PCDH15: variants seen among roughly 807,000 people sequenced by gnomAD.
PCDH15 encodes the protein protocadherin related 15, also known as protocadherin-15.
PCDH15 carries 129 observed loss-of-function variants against 178.5 expected under a neutral mutation model. The ratio of observed to expected loss-of-function variants is 0.72; its 90% CI spans 0.63 to 0.84. PCDH15 has a LOEUF of 0.84. PCDH15 is among the 40% of genes least tolerant of loss of function. PCDH15 has a pLI of 0.00. For missense variants in PCDH15, 2,230 were observed against 2,099.9 expected (o/e 1.06, Z -1.21); for synonymous variants, 800 against 732.0 (o/e 1.09, Z -1.50).
At chr10:55,355,831 A>T (rs996442112) in intron 2 of PCDH15, among the ~76,000 whole-genome samples, 19 of 151,930 alleles carry the variant, frequency 1.3e-4, no homozygotes, top group Non-Finnish European at 2.1e-4. Flanking sequence ...TAACATCTAG[A>T]TGTGACATCC....
chr10:54,219,487 G>C (rs1033436960), intron 9 of PCDH15, among the ~76,000 whole-genome samples: 4 of 150,230 alleles, frequency 2.7e-5, no homozygotes, highest in African/African-American at 9.8e-5. Context: ...CAGCTACTCG[G>C]GAGGCTGAGG....
intron 7 of PCDH15, among the ~76,000 whole-genome samples, chr10:54,329,209 G>A (rs1210213094): frequency 1.3e-5 from 2 of 151,838 alleles, no homozygotes; most frequent in African/African-American, 4.8e-5. Context: ...TAAAAATGCA[G>A]ATATTCCACT....
intron 1 of PCDH15, among the ~76,000 whole-genome samples, chr10:54,775,895 C>G (rs558763239): frequency 6.6e-6 from 1 of 152,164 alleles, no homozygotes; most frequent in East Asian, 1.9e-4. Flanking sequence ...CAAACAACAA[C>G]AAACACATAA....
intron 2 of PCDH15, among the ~76,000 whole-genome samples, chr10:55,024,081 A>G (rs1177413718): frequency 3.6e-5 from 1 of 27,902 alleles, no homozygotes; most frequent in Non-Finnish European, 8.9e-5. Context: ...ACTCATATAT[A>G]TATATATATA....
At chr10:54,125,548 G>A (rs2041920515) in intron 15 of PCDH15, among the ~76,000 whole-genome samples, 3 of 152,196 alleles carry the variant, frequency 2.0e-5, no homozygotes, top group Admixed American at 2.0e-4. Flanking sequence ...TTGTGGGCAA[G>A]TCTAAGCAAA....
chr10:54,160,474 G>T (rs1340047892), intron 13 of PCDH15, among the ~76,000 whole-genome samples: 5 of 152,108 alleles, frequency 3.3e-5, no homozygotes, highest in Non-Finnish European at 5.9e-5. Context: ...ACTAGGAGAA[G>T]ATAATATAGG....
intron 2 of PCDH15, among the ~76,000 whole-genome samples, chr10:55,547,908 TGTGAGAGAGAGAGAGA>T (rs1841920825): frequency 2.8e-5 from 1 of 35,284 alleles, no homozygotes; most frequent in African/African-American, 1.3e-4. Flanking sequence ...TGTGTGTGTG[TGTGAGAGAGAGAGAGA>T]GAGAGAGAGA....
chr10:55,357,335 T>G (rs12775735), intron 2 of PCDH15, among the ~76,000 whole-genome samples: 26,514 of 151,798 alleles, frequency 0.17, 2,417 homozygotes, highest in South Asian at 0.24. Flanking sequence ...TTGGCCAAAC[T>G]TTTTAACAGA....
At chr10:54,589,599 T>C (rs1195440821) in intron 2 of PCDH15, among the ~76,000 whole-genome samples, 2 of 152,186 alleles carry the variant, frequency 1.3e-5, no homozygotes, top group Non-Finnish European at 2.9e-5. Flanking sequence ...CATATTTGTG[T>C]GTGTTATTCA....
chr10:55,085,093 G>A (rs1357237338), intron 2 of PCDH15, among the ~76,000 whole-genome samples: 2 of 151,892 alleles, frequency 1.3e-5, no homozygotes, highest in Admixed American at 1.3e-4. Context: ...CCCAAAGAAA[G>A]AAAATCAGTA....
chr10:55,506,543 C>A (rs769828032), intron 2 of PCDH15, among the ~76,000 whole-genome samples: 1 of 151,402 alleles, frequency 6.6e-6, no homozygotes, highest in Non-Finnish European at 1.5e-5. Context: ...ACAACTGAAC[C>A]ATTTCAAGGC....
At chr10:55,547,910 T>TGTGTGAGAGAGAGAGAGAGAGAGA (rs541144266) in intron 2 of PCDH15, among the ~76,000 whole-genome samples, 3 of 54,530 alleles carry the variant, frequency 5.5e-5, no homozygotes, top group South Asian at 9.7e-4. Context: ...TGTGTGTGTG[T>TGTGTGAGAGAGAGAGAGAGAGAGA]GAGAGAGAGA....
At chr10:54,002,778 T>C (rs780378593) in intron 20 of PCDH15, among the ~76,000 whole-genome samples, 2 of 151,992 alleles carry the variant, frequency 1.3e-5, no homozygotes, top group Non-Finnish European at 2.9e-5. Flanking sequence ...AAGTGAAGGA[T>C]TCAAAGTTAA....
At chr10:55,531,664 CT>C (rs778635662) in intron 2 of PCDH15, among the ~76,000 whole-genome samples, 1 of 151,984 alleles carries the variant, frequency 6.6e-6, no homozygotes, top group Non-Finnish European at 1.5e-5. Context: ...GTGGCAGTGA[CT>C]AAAATTATTG....
chr10:54,320,835 T>A (rs2061557094), intron 7 of PCDH15, among the ~76,000 whole-genome samples: 1 of 151,920 alleles, frequency 6.6e-6, no homozygotes, highest in African/African-American at 2.4e-5. Flanking sequence ...AAATTACTAA[T>A]GTTAAGATAA....
chr10:53,942,471 A>T (rs2086154824), intron 23 of PCDH15, among the ~76,000 whole-genome samples: 1 of 152,224 alleles, frequency 6.6e-6, no homozygotes, highest in South Asian at 2.1e-4. Flanking sequence ...TGTGATGTAT[A>T]CGTCTCATGT....
chr10:55,536,363 G>A (rs933475297), intron 2 of PCDH15, among the ~76,000 whole-genome samples: 1 of 152,028 alleles, frequency 6.6e-6, no homozygotes. Flanking sequence ...CTATTGAACA[G>A]TTCTAATCTG....
intron 2 of PCDH15, among the ~76,000 whole-genome samples, chr10:55,137,819 TAGG>T (rs1838240253): frequency 6.6e-6 from 1 of 151,978 alleles, no homozygotes; most frequent in Non-Finnish European, 1.5e-5. Flanking sequence ...CTACAGGAGT[TAGG>T]AGAATAAAAG....
intron 2 of PCDH15, among the ~76,000 whole-genome samples, chr10:55,031,004 T>C (rs1015145984): frequency 3.4e-5 from 1 of 29,200 alleles, no homozygotes; most frequent in African/African-American, 9.8e-5. Flanking sequence ...GAAATGCAGA[T>C]TTTTTTTTCA....
Sources: gnomAD v4.1 joint callset for allele counts (sites outside exome capture counted in the v4.1 genomes callset) on GRCh38, gnomAD v4.1.1 for gene constraint, MANE v1.5 for transcripts, NCBI Gene and HGNC (gene_info 2026-07-23, HGNC 2026-07-21) for gene names.